The following PRKCA variants were observed in gnomAD, a reference collection of about 807,000 sequenced individuals.
The protein encoded by PRKCA is protein kinase C alpha type.
PRKCA carries 27 observed loss-of-function variants against 87.0 expected under a neutral mutation model. The observed-to-expected ratio is 0.31, with a 90% CI of 0.23 to 0.43. The LOEUF (loss-of-function observed/expected upper bound fraction) is 0.43, where lower values mean the gene tolerates loss of function less well. Among genes scored for constraint, PRKCA ranks in the 20% least tolerant of loss-of-function variants. The pLI is 1.00. For missense variants in PRKCA, 518 were observed against 852.3 expected (o/e 0.61, Z 4.88); for synonymous variants, 329 against 311.1 (o/e 1.06, Z -0.61).
chr17:66,412,678 GACTT>G (rs1911884252), intron 2 of PRKCA: 1 of 152,202 alleles, frequency 6.6e-6, no homozygotes, highest in Admixed American at 6.5e-5. Context: ...AAGCGCTTTT[GACTT>G]ACTTTAGTAG....
At chr17:66,483,286 C>CT (rs1471408145) in intron 2 of PRKCA, among the ~76,000 whole-genome samples, 2 of 152,028 alleles carry the variant, frequency 1.3e-5, no homozygotes, top group African/African-American at 4.8e-5. Flanking sequence ...CCTCAGAGAG[C>CT]TGCAAGAGAG....
At chr17:66,691,726 A>T (rs1002584460) in intron 8 of PRKCA, among the ~76,000 whole-genome samples, 8 of 152,082 alleles carry the variant, frequency 5.3e-5, no homozygotes, top group African/African-American at 1.9e-4. Context: ...ACCGAATGTT[A>T]TGCCATGGTG....
intron 14 of PRKCA, among the ~76,000 whole-genome samples, chr17:66,785,523 G>A (rs1426003343): frequency 6.6e-6 from 1 of 152,180 alleles, no homozygotes; most frequent in African/African-American, 2.4e-5. Context: ...CTAAGCTCAA[G>A]GTTACGCAGC....
chr17:66,588,397 G>A (rs1969685915), intron 3 of PRKCA, among the ~76,000 whole-genome samples: 1 of 151,974 alleles, frequency 6.6e-6, no homozygotes, highest in African/African-American at 2.4e-5. Flanking sequence ...GTTGATATAA[G>A]TTGCAAATTA....
chr17:66,557,821 C>G (rs1368416939), intron 3 of PRKCA, among the ~76,000 whole-genome samples: 1 of 152,126 alleles, frequency 6.6e-6, no homozygotes. Context: ...TTTCTACAGG[C>G]CTGTGAGGGG....
intron 2 of PRKCA, among the ~76,000 whole-genome samples, chr17:66,357,755 A>G (rs1326533521): frequency 6.6e-6 from 1 of 152,216 alleles, no homozygotes; most frequent in Non-Finnish European, 1.5e-5. Context: ...ATCATGAATA[A>G]CTAGTAAAGT....
intron 2 of PRKCA, among the ~76,000 whole-genome samples, chr17:66,476,022 C>A (rs746438343): frequency 6.6e-6 from 1 of 152,126 alleles, no homozygotes; most frequent in Non-Finnish European, 1.5e-5. Context: ...TTCAGCCTCC[C>A]AAGTAGTTGG....
chr17:66,716,776 G>T (rs942924836), intron 8 of PRKCA, among the ~76,000 whole-genome samples: 3 of 152,244 alleles, frequency 2.0e-5, no homozygotes, highest in South Asian at 4.1e-4. Flanking sequence ...ATCTGGCAAA[G>T]TGCCAACACG....
At chr17:66,661,872 A>C (rs1159172961) in intron 5 of PRKCA, among the ~76,000 whole-genome samples, 1 of 152,108 alleles carries the variant, frequency 6.6e-6, no homozygotes, top group Non-Finnish European at 1.5e-5. Flanking sequence ...TCCAGAATGC[A>C]TTTTGAGCCA....
intron 3 of PRKCA, among the ~76,000 whole-genome samples, chr17:66,524,790 T>C (rs1304285523): frequency 6.6e-6 from 1 of 152,088 alleles, no homozygotes. Context: ...CTGTGACAGG[T>C]ATCTGGGTCT....
intron 2 of PRKCA, among the ~76,000 whole-genome samples, chr17:66,339,087 C>T (rs1405831131): frequency 6.6e-6 from 1 of 152,094 alleles, no homozygotes; most frequent in African/African-American, 2.4e-5. Context: ...AGAGCTCTTG[C>T]GCTATCAGAA....
intron 8 of PRKCA, among the ~76,000 whole-genome samples, chr17:66,715,649 C>T (rs1393918619): frequency 2.6e-5 from 4 of 152,156 alleles, no homozygotes; most frequent in Non-Finnish European, 5.9e-5. Flanking sequence ...TCTGTAGTTC[C>T]GTTGGCACTC....
chr17:66,660,761 T>A (rs1346568964), intron 5 of PRKCA, among the ~76,000 whole-genome samples: 5 of 151,694 alleles, frequency 3.3e-5, no homozygotes, highest in African/African-American at 1.2e-4. Flanking sequence ...TACAAAAAAT[T>A]AGCCGGGTGT....
intron 2 of PRKCA, among the ~76,000 whole-genome samples, chr17:66,470,020 G>A (rs892852775): frequency 1.2e-4 from 19 of 152,036 alleles, no homozygotes; most frequent in East Asian, 1.9e-4. Context: ...ATATGTGTCC[G>A]TTGTGGCATG....
At chr17:66,764,876 T>C (rs190550762) in intron 13 of PRKCA, among the ~76,000 whole-genome samples, 37 of 152,246 alleles carry the variant, frequency 2.4e-4, no homozygotes, top group Non-Finnish European at 4.7e-4. Flanking sequence ...CCTATCCCCA[T>C]AGGGGACAGA....
intron 3 of PRKCA, among the ~76,000 whole-genome samples, chr17:66,639,646 C>G (rs962398628): frequency 4.6e-5 from 7 of 152,048 alleles, no homozygotes; most frequent in Non-Finnish European, 1.0e-4. Context: ...CCTCAGCCTC[C>G]CAAAGTGCTG....
At position 66,506,041 on chromosome 17, in the gene PRKCA, A is replaced by G. The variant is rs567757623; in HGVS notation, c.288+9758A>G. Among the ~76,000 whole-genome samples, 3 of 152,240 alleles carry G rather than the reference A, an allele frequency of 2.0e-5. No homozygotes were observed. In the South Asian group the frequency reaches 6.2e-4, roughly 32 times the overall value. ...CCAGGCGCTGTGGCTCATGCCTATA[A>G]TCCCAGCACTTTGGGAGGTCAAGGC... is the stretch of plus-strand genomic sequence containing the variant. On this transcript the variant is annotated intron_variant, in intron 3 of 16. Transcript: ENST00000413366.
chr17:66,794,537 G>A (rs766809377), intron 16 of PRKCA, among the ~76,000 whole-genome samples: 2 of 150,198 alleles, frequency 1.3e-5, no homozygotes, highest in African/African-American at 2.4e-5. Context: ...AAGAACTCCT[G>A]TATTCCTTTA....
intron 5 of PRKCA, among the ~76,000 whole-genome samples, chr17:66,664,863 C>G (rs74410833): frequency 6.6e-6 from 1 of 151,962 alleles, no homozygotes; most frequent in East Asian, 1.9e-4. Flanking sequence ...TGGTCTCACA[C>G]TCCTGGCCTC....
Sources: allele counts gnomAD v4.1 joint callset (sites outside exome capture counted in the v4.1 genomes callset), GRCh38; gene constraint gnomAD v4.1.1; transcripts MANE v1.5; gene names NCBI Gene and HGNC (gene_info 2026-07-23, HGNC 2026-07-21).